HS3ST5: variants seen among roughly 807,000 people sequenced by gnomAD.
HS3ST5 encodes heparan sulfate glucosamine 3-O-sulfotransferase 5.
Under a neutral mutation model 25.4 loss-of-function variants are expected in HS3ST5, and 10 were observed. That is an observed-to-expected ratio of 0.39 (90% CI 0.24 to 0.67). The LOEUF (loss-of-function observed/expected upper bound fraction) is 0.67, where lower values mean the gene tolerates loss of function less well. Ranked by LOEUF, HS3ST5 falls within the 30% of genes least tolerant of loss-of-function variation. The pLI is 0.44. For synonymous variants in HS3ST5, 170 were observed against 162.4 expected (o/e 1.05, Z -0.36); for missense variants, 324 against 420.7 (o/e 0.77, Z 2.01).
At chr6:114,238,114 C>T (rs897318138) in intron 1 of HS3ST5, among the ~76,000 whole-genome samples, 13 of 152,172 alleles carry the variant, frequency 8.5e-5, no homozygotes, top group African/African-American at 3.1e-4. Context: ...ACTTAGTCTG[C>T]TTAAAGGAGA....
intron 1 of HS3ST5, among the ~76,000 whole-genome samples, chr6:114,237,047 A>C (rs553606202): frequency 3.3e-5 from 5 of 152,210 alleles, no homozygotes; most frequent in Non-Finnish European, 7.4e-5. Context: ...TGCTAAAATG[A>C]TTTGCGACAT....
At chr6:114,232,227 G>A (rs1366115024) in intron 1 of HS3ST5, among the ~76,000 whole-genome samples, 5 of 151,880 alleles carry the variant, frequency 3.3e-5, no homozygotes, top group Admixed American at 6.6e-5. Context: ...ATCCTAAATC[G>A]AAACCACTTT....
At chr6:114,277,584 T>C (rs1156988667) in intron 1 of HS3ST5, among the ~76,000 whole-genome samples, 1 of 151,864 alleles carries the variant, frequency 6.6e-6, no homozygotes, top group Non-Finnish European at 1.5e-5. Context: ...TCCCATTCCA[T>C]TTGTATCTCT....
intron 1 of HS3ST5, among the ~76,000 whole-genome samples, chr6:114,291,829 T>C (rs1388114138): frequency 6.6e-6 from 1 of 152,208 alleles, no homozygotes; most frequent in African/African-American, 2.4e-5. Flanking sequence ...GAAACTCTGC[T>C]TTGACACAGT....
intron 1 of HS3ST5, among the ~76,000 whole-genome samples, chr6:114,232,887 A>G (rs996780032): frequency 1.3e-5 from 2 of 152,062 alleles, no homozygotes; most frequent in African/African-American, 4.8e-5. Flanking sequence ...CATGGCATCT[A>G]TCTAGAGTGA....
chr6:114,276,365 C>A (rs1360705809), intron 1 of HS3ST5, among the ~76,000 whole-genome samples: 1 of 151,804 alleles, frequency 6.6e-6, no homozygotes, highest in Non-Finnish European at 1.5e-5. Context: ...ATGCCATGCA[C>A]ATAAAATGTT....
intron 1 of HS3ST5, among the ~76,000 whole-genome samples, chr6:114,235,992 A>T (rs72954561): frequency 4.6e-5 from 7 of 152,322 alleles, no homozygotes; most frequent in Non-Finnish European, 8.8e-5. Context: ...GCTCCTAATG[A>T]GTCTGACCAG....
intron 2 of HS3ST5, among the ~76,000 whole-genome samples, chr6:114,174,407 T>C (rs1439417371): frequency 6.6e-6 from 1 of 151,710 alleles, no homozygotes; most frequent in East Asian, 1.9e-4. Flanking sequence ...ATGTCTATTT[T>C]TTTTACTGTT....
chr6:114,327,728 C>T (rs949613523), intron 1 of HS3ST5, among the ~76,000 whole-genome samples: 7 of 152,144 alleles, frequency 4.6e-5, no homozygotes, highest in African/African-American at 1.4e-4. Flanking sequence ...ATGTGAGAAA[C>T]TACATTAAGT....
Position 114,094,958 on chromosome 6 carries a change from C to T in HS3ST5, c.-32-32081G>A, listed in dbSNP as rs776212126. ...GCTGCTAGAAACTGAATGCTGTCAA[C>T]AACCACATGCAGGGAAGCACATCTC... On this transcript the variant is annotated intron_variant, in intron 3 of 4. Coordinates refer to ENST00000312719, the MANE Select transcript of HS3ST5 (RefSeq NM_153612.4). 2.4e-4 allele frequency among the ~76,000 whole-genome samples: 36 copies of T among 152,174 alleles called. 1 individual carries two copies. The highest frequency in any genetic ancestry group is 8.8e-5 in the Non-Finnish European group (6 of 68,044).
At chr6:114,249,710 C>A (rs1368954562) in intron 1 of HS3ST5, among the ~76,000 whole-genome samples, 1 of 152,190 alleles carries the variant, frequency 6.6e-6, no homozygotes, top group East Asian at 1.9e-4. Flanking sequence ...CTCTGGGGAG[C>A]CAGCTAAGTC....
chr6:114,152,254 C>T (rs1468508358), intron 3 of HS3ST5, among the ~76,000 whole-genome samples: 3 of 151,854 alleles, frequency 2.0e-5, no homozygotes, highest in African/African-American at 7.3e-5. Context: ...AAATAAATTT[C>T]AGTTTCTATT....
chr6:114,146,844 A>G (rs1021876352), intron 3 of HS3ST5, among the ~76,000 whole-genome samples: 2 of 152,144 alleles, frequency 1.3e-5, no homozygotes, highest in East Asian at 3.9e-4. Context: ...CTCTGCCATG[A>G]GTAACAGCTC....
chr6:114,317,804 G>GT (rs1291265464), intron 1 of HS3ST5, among the ~76,000 whole-genome samples: 50 of 148,994 alleles, frequency 3.4e-4, no homozygotes, highest in Admixed American at 1.5e-3. Context: ...GCGGGGGGCG[G>GT]GGGGGTAGGC....
At chr6:114,103,857 ATTTTTT>A (rs71553394) in intron 3 of HS3ST5, among the ~76,000 whole-genome samples, 20 of 107,148 alleles carry the variant, frequency 1.9e-4, no homozygotes, top group Admixed American at 5.4e-4. Flanking sequence ...CACCTGGCTA[ATTTTTT>A]TTTTTTTTTT....
At chr6:114,304,479 T>A (rs1366333028) in intron 1 of HS3ST5, among the ~76,000 whole-genome samples, 1 of 152,076 alleles carries the variant, frequency 6.6e-6, no homozygotes, top group African/African-American at 2.4e-5. Flanking sequence ...TACAATACAT[T>A]TATGTAAAAT....
At chr6:114,058,354 A>G (rs967446983) in intron 4 of HS3ST5, among the ~76,000 whole-genome samples, 164 bp from the exon 5 acceptor site, 4 of 152,244 alleles carry the variant, frequency 2.6e-5, no homozygotes, top group Non-Finnish European at 5.9e-5. Context: ...TTAAGCAACC[A>G]TGTATTAAAT....
intron 2 of HS3ST5, among the ~76,000 whole-genome samples, chr6:114,205,081 TA>T (rs781499991): frequency 3.9e-5 from 6 of 152,152 alleles, no homozygotes; most frequent in Admixed American, 2.0e-4. Context: ...TACAGTTTTC[TA>T]ACACAAACTA....
chr6:114,192,856 T>C (rs1479232490), intron 2 of HS3ST5, among the ~76,000 whole-genome samples: 1 of 152,184 alleles, frequency 6.6e-6, no homozygotes, highest in Non-Finnish European at 1.5e-5. Context: ...CTCTGAAAGA[T>C]GTCATATTAC....
Sources: gnomAD v4.1 joint callset for allele counts (sites outside exome capture counted in the v4.1 genomes callset) on GRCh38, gnomAD v4.1.1 for gene constraint, MANE v1.5 for transcripts, NCBI Gene and HGNC (gene_info 2026-07-23, HGNC 2026-07-21) for gene names.